DNAI1: variants seen among roughly 807,000 people sequenced by gnomAD.
DNAI1 encodes the protein dynein, axonemal, intermediate polypeptide 1.
Under a neutral mutation model 92.0 loss-of-function variants are expected in DNAI1, and 67 were observed. The ratio of observed to expected loss-of-function variants is 0.73; its 90% confidence interval spans 0.60 to 0.89. The LOEUF (loss-of-function observed/expected upper bound fraction) is 0.89, where lower values mean the gene tolerates loss of function less well. Among genes scored for constraint, DNAI1 ranks in the 40% least tolerant of loss-of-function variants. DNAI1 has a pLI of 0.00. For synonymous variants in DNAI1, 323 were observed against 319.6 expected (o/e 1.01, Z -0.11); for missense variants, 839 against 866.6 (o/e 0.97, Z 0.40).
chr9:34,515,520 C>T (rs1825156420), intron 18 of DNAI1, among the ~76,000 whole-genome samples: 2 of 152,190 alleles, frequency 1.3e-5, no homozygotes. Context: ...TAATAAAAGA[C>T]TGTGATATGT....
intron 7 of DNAI1, 80 bp from the exon 8 acceptor site, chr9:34,491,415 T>TTC: frequency 1.3e-6 from 2 of 1,527,824 alleles, no homozygotes; most frequent in East Asian, 4.5e-5. Context: ...GCCAAAATGC[T>TTC]TCTCTCAAAG....
At chr9:34,496,765 G>C (rs1824733258) in intron 9 of DNAI1, among the ~76,000 whole-genome samples, 2 of 152,170 alleles carry the variant, frequency 1.3e-5, no homozygotes, top group Admixed American at 6.5e-5. Flanking sequence ...ACCTGCCCTT[G>C]TCTGCTCTCC....
At chr9:34,520,545 G>A (rs1034009220) in intron 19 of DNAI1, 113 bp from the exon 20 acceptor site, 1 of 933,314 alleles carries the variant, frequency 1.1e-6, no homozygotes, top group African/African-American at 1.6e-5. Context: ...AGAATTTACT[G>A]GGCAGGGGAG....
chr9:34,484,765 T>G (rs970015619), intron 2 of DNAI1, among the ~76,000 whole-genome samples: 1 of 152,250 alleles, frequency 6.6e-6, no homozygotes, highest in African/African-American at 2.4e-5. Context: ...TATCCTTTCT[T>G]GATGTCTAAA....
chr9:34,505,290 C>T (rs1314053340), intron 12 of DNAI1, among the ~76,000 whole-genome samples: 1 of 152,142 alleles, frequency 6.6e-6, no homozygotes, highest in Non-Finnish European at 1.5e-5. Flanking sequence ...CATTCCATGG[C>T]TTGTGGTCCC....
intron 2 of DNAI1, 38 bp downstream of exon 2, chr9:34,483,518 C>T (rs772440227): frequency 1.3e-6 from 2 of 1,588,400 alleles, no homozygotes; most frequent in Non-Finnish European, 1.7e-6. Flanking sequence ...CAGCAAGATG[C>T]TAATAGTGTT....
intron 17 of DNAI1, 21 bp downstream of exon 17, chr9:34,514,563 T>A: frequency 6.2e-7 from 1 of 1,614,248 alleles, no homozygotes; most frequent in Non-Finnish European, 8.5e-7. Context: ...TGTTCCTGGC[T>A]CTGCCTGGGG....
intron 12 of DNAI1, among the ~76,000 whole-genome samples, chr9:34,502,450 AG>A (rs961158077): frequency 2.6e-5 from 4 of 152,090 alleles, no homozygotes; most frequent in African/African-American, 9.7e-5. Context: ...CTCTCAACCC[AG>A]GCTCTCTGCC....
intron 1 of DNAI1, among the ~76,000 whole-genome samples, chr9:34,468,712 T>TAG (rs1824085468): frequency 6.6e-6 from 1 of 151,518 alleles, no homozygotes; most frequent in African/African-American, 2.4e-5. Flanking sequence ...CTGTGGTCCC[T>TAG]CTATGTGGGA....
intron 8 of DNAI1, among the ~76,000 whole-genome samples, chr9:34,492,677 A>C (rs2132064759): frequency 6.6e-6 from 1 of 150,832 alleles, no homozygotes; most frequent in Middle Eastern, 3.4e-3. Flanking sequence ...ATGCCACCAC[A>C]CCTGGCGTAT....
chr9:34,468,457 G>A (rs1188542565), intron 1 of DNAI1, among the ~76,000 whole-genome samples: 1 of 151,066 alleles, frequency 6.6e-6, no homozygotes, highest in Non-Finnish European at 1.5e-5. Flanking sequence ...CCAAAGTGCT[G>A]GGATTACAGG....
At chr9:34,491,961 C>T (rs1564033686) in intron 8 of DNAI1, among the ~76,000 whole-genome samples, 1 of 152,136 alleles carries the variant, frequency 6.6e-6, no homozygotes, top group South Asian at 2.1e-4. Context: ...CCTGCAGCCC[C>T]CCTCCTCCCC....
chr9:34,487,971 C>T, intron 4 of DNAI1: 1 of 272,230 alleles, frequency 3.7e-6, no homozygotes, highest in Admixed American at 4.7e-5. Flanking sequence ...GGTTTCATTC[C>T]TAAACTGAAG....
chr9:34,482,274 C>G (rs552433194), intron 1 of DNAI1, among the ~76,000 whole-genome samples: 235 of 149,282 alleles, frequency 1.6e-3, no homozygotes, highest in Non-Finnish European at 2.7e-3. Flanking sequence ...TCCAAGTCCT[C>G]ACCAGAGCAG....
chr9:34,466,597 G>T (rs1397234383), intron 1 of DNAI1, among the ~76,000 whole-genome samples: 1 of 152,168 alleles, frequency 6.6e-6, no homozygotes, highest in African/African-American at 2.4e-5. Context: ...GCTCACTCAA[G>T]TTACCTCAGA....
intron 1 of DNAI1, among the ~76,000 whole-genome samples, chr9:34,473,438 A>G (rs1276917814): frequency 1.3e-5 from 2 of 151,830 alleles, no homozygotes; most frequent in African/African-American, 4.8e-5. Flanking sequence ...GATTACAGGT[A>G]CTTGCCACCA....
chr9:34,469,695 A>C (rs1172297079), intron 1 of DNAI1, among the ~76,000 whole-genome samples: 1 of 152,182 alleles, frequency 6.6e-6, no homozygotes, highest in East Asian at 1.9e-4. Flanking sequence ...CTCTTGTCTC[A>C]GCCTCCTGAG....
chr9:34,471,536 G>A (rs76997844), intron 1 of DNAI1, among the ~76,000 whole-genome samples: 23,751 of 151,956 alleles, frequency 0.16, 2,371 homozygotes, highest in East Asian at 0.37. Flanking sequence ...TTGGGAGGCC[G>A]AGGTGGGCGG....
At chr9:34,469,260 C>CTTT (rs35082433) in intron 1 of DNAI1, among the ~76,000 whole-genome samples, 17 of 80,162 alleles carry the variant, frequency 2.1e-4, no homozygotes, top group Admixed American at 3.0e-4. Flanking sequence ...AATGGAATGG[C>CTTT]TTTTTTTTTT....
Sources: gnomAD v4.1 joint callset for allele counts (sites outside exome capture counted in the v4.1 genomes callset) on GRCh38, gnomAD v4.1.1 for gene constraint, MANE v1.5 for transcripts, NCBI Gene and HGNC (gene_info 2026-07-23, HGNC 2026-07-21) for gene names.